Variants in ZNF586 observed in about 807,000 individuals in gnomAD.
The protein encoded by ZNF586 is zinc finger protein 586.
In ZNF586, 7 loss-of-function variants were observed where a neutral mutation model predicts 6.7. That is an observed-to-expected ratio of 1.04 (90% CI 0.59 to 1.95). The LOEUF is 1.95. ZNF586 is among the 30% of genes most tolerant of loss of function. ZNF586 has a pLI of 0.00. For missense variants in ZNF586, 442 were observed against 489.6 expected (o/e 0.90, Z 0.92); for synonymous variants, 166 against 168.7 (o/e 0.98, Z 0.12).
At chr19:57,777,221 A>G (rs1318026034) in intron 2 of ZNF586, among the ~76,000 whole-genome samples, 1 of 152,204 alleles carries the variant, frequency 6.6e-6, no homozygotes, top group Non-Finnish European at 1.5e-5. Flanking sequence ...ATATATAGGA[A>G]GGAATTCTTT....
In ZNF586 at chr19:57,776,622, T is replaced by G; in HGVS notation, c.116T>G (p.Leu39Arg). 6.2e-7 allele frequency: 1 copy of G among 1,612,760 alleles called. No individual in the cohort carries two copies. The highest frequency in any genetic ancestry group is 8.5e-7 in the Non-Finnish European group (1 of 1,179,508). The change falls in exon 2 of 3, where the codon CTG becomes CGG. Residue 39 changes from leucine to arginine, a missense_variant. Transcript: ENST00000396154. ...CTTCTTAATGAGGCTCAGAGATGCC[T>G]GTACCGTGACGTGATGCTGGAGACC... ...WSLLNEAQRC[L>R]YRDVMLETLT...
At position 57,780,021 on chromosome 19, in the gene ZNF586, A is replaced by C. The variant is rs892309459; in HGVS notation, c.*225A>C. ...CATTGGTTACCACAATATTTACATGAGGAAAATACCACAGATGTGGAGGTA... is the reference window on the plus strand; with the variant it reads ...CATTGGTTACCACAATATTTACATGCGGAAAATACCACAGATGTGGAGGTA... On this transcript the variant is annotated 3_prime_UTR_variant, in exon 3 of 3. Transcript: ENST00000396154. 12 of 532,072 alleles carry C rather than the reference A, an allele frequency of 2.3e-5. No individual in the cohort carries two copies. The Admixed American group carries it at 4.0e-4, about 18-fold the overall frequency. The allele number at this position is 532,072 out of a possible 1,614,324, so 33.0% of individuals were successfully genotyped here. A position where few individuals can be genotyped will look rare whatever the true frequency, so the allele number is the denominator to read the frequency against.
intron 1 of ZNF586, 119 bp downstream of exon 1, chr19:57,769,997 C>G: frequency 2.1e-6 from 2 of 968,440 alleles, no homozygotes; most frequent in Non-Finnish European, 2.9e-6. Flanking sequence ...GACGGAGAGG[C>G]GCCGGCGGGT....
At position 57,779,502 on chromosome 19, in the gene ZNF586, C is replaced by A. The variant is rs1403953524; in HGVS notation, c.915C>A (p.Leu305=). The A allele has an allele frequency of 5.0e-6, 8 of 1,614,098 alleles. No individual in the cohort carries two copies. Among genetic ancestry groups the A allele is most frequent in the Non-Finnish European group, 6.8e-6 (8 of 1,180,018 alleles). Residue 305 remains leucine, a synonymous_variant, in exon 3 of 3, where the codon CTC becomes CTA. Coordinates refer to ENST00000396154, the MANE Select transcript of ZNF586 (RefSeq NM_017652.4). ...CGKSFSLRSN[L]IHHQRVHTGE... ...AATCCTTTAGCTTAAGGTCCAACCT[C>A]ATTCACCATCAGCGAGTTCATACTG...
intron 1 of ZNF586, among the ~76,000 whole-genome samples, chr19:57,775,492 C>A (rs1987212209): frequency 1.3e-5 from 2 of 151,772 alleles, no homozygotes; most frequent in South Asian, 4.1e-4. Flanking sequence ...AAGACCCTGT[C>A]TCAAAAATTA....
At chr19:57,775,280 C>A (rs1300046567) in intron 1 of ZNF586, among the ~76,000 whole-genome samples, 1 of 152,174 alleles carries the variant, frequency 6.6e-6, no homozygotes, top group African/African-American at 2.4e-5. Flanking sequence ...TAGGCGTGGG[C>A]GTGAGCCACC....
intron 1 of ZNF586, among the ~76,000 whole-genome samples, chr19:57,773,788 G>T (rs560484297): frequency 6.6e-5 from 10 of 152,244 alleles, no homozygotes; most frequent in Non-Finnish European, 1.5e-4. Context: ...ATTTTGAGAT[G>T]ACTTTAGTGT....
intron 1 of ZNF586, among the ~76,000 whole-genome samples, chr19:57,775,600 CTTTTTTTTT>C (rs563657252): frequency 1.6e-5 from 2 of 122,776 alleles, no homozygotes; most frequent in East Asian, 2.4e-4. Context: ...CCTGGTTGCT[CTTTTTTTTT>C]TTTTTTTTTT....
chr19:57,776,467 A>C, intron 1 of ZNF586, 76 bp from the exon 2 acceptor site: 3 of 1,522,402 alleles, frequency 2.0e-6, no homozygotes, highest in Non-Finnish European at 1.8e-6. Flanking sequence ...GGGCAAGGGT[A>C]GATATGTTGG....
intron 1 of ZNF586, among the ~76,000 whole-genome samples, chr19:57,771,607 C>T (rs948072249): frequency 7.2e-5 from 11 of 152,122 alleles, no homozygotes; most frequent in Non-Finnish European, 1.6e-4. Flanking sequence ...CTGGGGTGTG[C>T]AAATACTTAC....
At chr19:57,774,586 T>A (rs541267641) in intron 1 of ZNF586, among the ~76,000 whole-genome samples, 1 of 152,076 alleles carries the variant, frequency 6.6e-6, no homozygotes, top group East Asian at 1.9e-4. Flanking sequence ...AGTCATAGTT[T>A]CTGAGGATAG....
Position 57,780,313 on chromosome 19 carries a change from T to C in ZNF586, c.*517T>C, listed in dbSNP as rs1166009338. On this transcript the variant is annotated 3_prime_UTR_variant, in exon 3 of 3. Transcript: ENST00000396154. ...ATCCAGAAGTAACTTTGATTTTGTT[T>C]CATTCAACAGAGGGATTTTTTAGTA... 6.3e-6 allele frequency: 1 copy of C among 157,852 alleles called. No homozygotes were observed. The highest frequency in any genetic ancestry group is 1.4e-5 in the Non-Finnish European group (1 of 71,094). 9.8% of individuals were successfully genotyped at this position (157,852 alleles called of 1,614,324 possible).
intron 2 of ZNF586, among the ~76,000 whole-genome samples, chr19:57,777,684 T>C (rs1386908197): frequency 6.6e-6 from 1 of 151,490 alleles, no homozygotes; most frequent in Admixed American, 6.6e-5. Flanking sequence ...TTCTCACGGC[T>C]CTGTCTGCAG....
intron 2 of ZNF586, among the ~76,000 whole-genome samples, chr19:57,778,073 CT>C (rs35697388): frequency 0.12 from 16,373 of 131,426 alleles, 2,200 homozygotes; most frequent in African/African-American, 0.35. Context: ...AGTATATAAT[CT>C]TTTTTTTTTT....
chr19:57,775,487 C>T (rs1292425109), intron 1 of ZNF586, among the ~76,000 whole-genome samples: 1 of 152,002 alleles, frequency 6.6e-6, no homozygotes, highest in Non-Finnish European at 1.5e-5. Flanking sequence ...AGAACAAGAC[C>T]CTGTCTCAAA....
At chr19:57,771,592 T>G (rs979123989) in intron 1 of ZNF586, among the ~76,000 whole-genome samples, 2 of 152,136 alleles carry the variant, frequency 1.3e-5, no homozygotes, top group African/African-American at 4.8e-5. Flanking sequence ...ACCCAGGAAC[T>G]GATACTGGGG....
At chr19:57,773,502 C>T (rs1178086506) in intron 1 of ZNF586, among the ~76,000 whole-genome samples, 1 of 148,198 alleles carries the variant, frequency 6.7e-6, no homozygotes, top group Non-Finnish European at 1.5e-5. Flanking sequence ...CTCCTGGGTT[C>T]AAGTGATTCT....
rs1987345616 is a variant in ZNF586 at position 57,779,910 on chromosome 19, T to TGCTA, written c.*118_*121dup. ...AATGGGGAATATTCTTTAGCTAGAA[T>TGCTA]GCTAGCTTCTTTACATAAAAGAGTG... On this transcript the variant is annotated 3_prime_UTR_variant, in exon 3 of 3. Coordinates refer to ENST00000396154, the MANE Select transcript of ZNF586 (RefSeq NM_017652.4). 1 of 932,852 alleles carries TGCTA rather than the reference T, an allele frequency of 1.1e-6. No homozygotes were observed. Among genetic ancestry groups the TGCTA allele is most frequent in the Non-Finnish European group, 1.6e-6 (1 of 629,254 alleles). The allele number at this position is 932,852 out of a possible 1,614,324, so 57.8% of individuals were successfully genotyped here. A position where few individuals can be genotyped will look rare whatever the true frequency, so the allele number is the denominator to read the frequency against.
Position 57,776,029 on chromosome 19 carries a change from T to A in ZNF586, c.37-514T>A, listed in dbSNP as rs146591227. Among the ~76,000 whole-genome samples, 505 of 152,312 alleles carry A rather than the reference T, an allele frequency of 3.3e-3. 7 individuals carry two copies. The highest frequency in any genetic ancestry group is 0.024 in the Middle Eastern group (7 of 294). ...GACTTGTGTTCAGCGTCAGGTGTTG[T>A]GTTTGGCCATCATCATAACCCTAGG... is the stretch of plus-strand genomic sequence containing the variant. On this transcript the variant is annotated intron_variant, in intron 1 of 2. Transcript: ENST00000396154.
Sources: allele counts gnomAD v4.1 joint callset (sites outside exome capture counted in the v4.1 genomes callset), GRCh38; gene constraint gnomAD v4.1.1; transcripts MANE v1.5; gene names NCBI Gene and HGNC (gene_info 2026-07-23, HGNC 2026-07-21).